The following APOC3 variants were observed in gnomAD, a reference collection of about 807,000 sequenced individuals.
APOC3 encodes apolipoprotein C3.
A neutral mutation model predicts 7.3 loss-of-function variants in APOC3; 6 were observed. The observed-to-expected ratio is 0.82, with a 90% CI of 0.45 to 1.61. The LOEUF (loss-of-function observed/expected upper bound fraction) is 1.61. Among genes scored for constraint, APOC3 ranks in the 40% most tolerant of loss-of-function variants. The probability of loss-of-function intolerance (pLI) is 0.01; values close to 1 mark genes in which losing one functional copy is unlikely to be tolerated. For synonymous variants in APOC3, 45 were observed against 51.2 expected (o/e 0.88, Z 0.52); for missense variants, 123 against 124.9 (o/e 0.98, Z 0.07).
intron 3 of APOC3, chr11:116,831,137 C>T (rs1203235549): frequency 1.9e-5 from 9 of 466,514 alleles, no homozygotes; most frequent in Admixed American, 1.1e-4. Flanking sequence ...TAGGGCGTGC[C>T]GTTTTAGCCC....
Position 116,830,630 on chromosome 11 carries a change from C to T in APOC3, c.48C>T (p.Ala16=), listed in dbSNP as rs774247573. The T allele has an allele frequency of 6.8e-6, 11 of 1,613,836 alleles. No homozygotes were observed. In the African/African-American group the frequency reaches 8.0e-5, roughly 12 times the overall value. The change falls in exon 2 of 4, where the codon GCC becomes GCT. Residue 16 remains alanine, a synonymous_variant. Transcript: ENST00000227667. The part of the protein sequence containing the change: ...LLVVALLALL[A]SARASEAEDA... ...TTGTTGCCCTCCTGGCGCTCCTGGC[C>T]TCTGCCCGTAAGCACTTGGTGGGAC...
intron 3 of APOC3, chr11:116,831,157 T>TTTTCC (rs1941443425): frequency 2.5e-6 from 1 of 398,292 alleles, no homozygotes; most frequent in Non-Finnish European, 4.4e-6. Context: ...CTCATTTCCA[T>TTTTCC]TTTCCTTTCC....
chr11:116,832,686 G>C (rs1296953539), intron 3 of APOC3, 78 bp from the exon 4 acceptor site: 3 of 1,601,480 alleles, frequency 1.9e-6, no homozygotes, highest in Non-Finnish European at 2.6e-6. Flanking sequence ...CGTCCAGTGG[G>C]GACATGGGTG....
chr11:116,832,073 C>A (rs1941469240), intron 3 of APOC3, among the ~76,000 whole-genome samples: 1 of 152,174 alleles, frequency 6.6e-6, no homozygotes, highest in Non-Finnish European at 1.5e-5. Flanking sequence ...AATTCAAGCC[C>A]GTGAGTGCTT....
At chr11:116,832,161 ACTCTC>A (rs569701964) in intron 3 of APOC3, among the ~76,000 whole-genome samples, 157 of 150,436 alleles carry the variant, frequency 1.0e-3, no homozygotes, top group African/African-American at 3.5e-3. Context: ...GCCCATCAGT[ACTCTC>A]CTCTCCCCTA....
At chr11:116,830,965 G>T in intron 3 of APOC3, 69 bp downstream of exon 3, 1 of 1,565,992 alleles carries the variant, frequency 6.4e-7, no homozygotes, top group Non-Finnish European at 8.7e-7. Flanking sequence ...CCCTGCCCTG[G>T]TGAGATCCCA....
intron 2 of APOC3, 47 bp from the exon 3 acceptor site, chr11:116,830,726 C>CTCG: frequency 6.2e-7 from 1 of 1,613,214 alleles, no homozygotes; most frequent in South Asian, 1.1e-5. Flanking sequence ...GAGCCCAGGG[C>CTCG]TCGTCCAGAG....
Position 116,830,821 on chromosome 11 carries a change from A to G in APOC3, c.104A>G (p.Tyr35Cys). ...DASLLSFMQGYMKHATKTAKD... is the reference protein window; with the variant it reads ...DASLLSFMQGCMKHATKTAKD... ...TCCCTTCTCAGCTTCATGCAGGGTT[A>G]CATGAAGCACGCCACCAAGACCGCC... The change falls in exon 3 of 4, where the codon TAC becomes TGC. Residue 35 changes from tyrosine (Y) to cysteine (C), a missense_variant. Tyr to Cys is a radical substitution (Grantham distance 194). Coordinates refer to ENST00000227667, the MANE Select transcript of APOC3 (RefSeq NM_000040.3). The G allele has an allele frequency of 6.2e-7, 1 of 1,613,174 alleles. No individual in the cohort carries two copies.
intron 1 of APOC3, among the ~76,000 whole-genome samples, chr11:116,830,219 T>C (rs1316203977): frequency 6.6e-6 from 1 of 152,014 alleles, no homozygotes; most frequent in East Asian, 1.9e-4. Flanking sequence ...GAGGAAGCCT[T>C]AGACAGCCCA....
Position 116,830,636 on chromosome 11 carries a change from C to T in APOC3, c.54C>T (p.Ala18=). The change falls in exon 2 of 4, where the codon GCC becomes GCT. Residue 18 remains alanine, a splice_region_variant and synonymous_variant. Coordinates refer to ENST00000227667, the MANE Select transcript of APOC3 (RefSeq NM_000040.3). ...VVALLALLAS[A]RASEAEDASL... is the part of the protein sequence containing the mutation. ...CCCTCCTGGCGCTCCTGGCCTCTGC[C>T]CGTAAGCACTTGGTGGGACTGGGCT... The T allele has an allele frequency of 1.9e-6, 3 of 1,613,922 alleles. No homozygotes were observed. Among genetic ancestry groups the T allele is most frequent in the East Asian group, 4.5e-5 (2 of 44,858 alleles).
In APOC3 at chr11:116,830,902, C is replaced by G; in HGVS notation, c.179+6C>G. 1 of 1,612,030 alleles carries G rather than the reference C, an allele frequency of 6.2e-7. No individual in the cohort carries two copies. The highest frequency in any genetic ancestry group is 8.5e-7 in the Non-Finnish European group (1 of 1,179,710). On this transcript the variant is annotated splice_donor_region_variant and intron_variant, in intron 3 of 3. Transcript: ENST00000227667. ...CAGGTGGCCCAGCAGGCCAGGTACA[C>G]CCGCTGGCCTCCCTCCCCATCCCCC...
chr11:116,831,842 C>T, intron 3 of APOC3, among the ~76,000 whole-genome samples: 1 of 152,176 alleles, frequency 6.6e-6, no homozygotes, highest in East Asian at 1.9e-4. Flanking sequence ...CACCTAGATC[C>T]CTGGCATGTG....
At chr11:116,831,804 A>G (rs952450566) in intron 3 of APOC3, among the ~76,000 whole-genome samples, 6 of 152,162 alleles carry the variant, frequency 3.9e-5, no homozygotes, top group Non-Finnish European at 8.8e-5. Flanking sequence ...TCAGATCATC[A>G]GGCATTAGAT....
At chr11:116,832,606 G>T (rs566143834) in intron 3 of APOC3, among the ~76,000 whole-genome samples, 158 bp from the exon 4 acceptor site, 1 of 152,202 alleles carries the variant, frequency 6.6e-6, no homozygotes, top group Non-Finnish European at 1.5e-5. Context: ...CAGCTGTGGG[G>T]GATTCCTGCC....
chr11:116,830,864 C>G lies in APOC3; in HGVS notation c.147C>G (p.Ser49Arg). ...ATKTAKDALS[S>R]VQESQVAQQA... ...AGACCGCCAAGGATGCACTGAGCAGCGTGCAGGAGTCCCAGGTGGCCCAGC... is the reference window on the plus strand; with the variant it reads ...AGACCGCCAAGGATGCACTGAGCAGGGTGCAGGAGTCCCAGGTGGCCCAGC... The change falls in exon 3 of 4, where the codon AGC becomes AGG. Residue 49 changes from serine to arginine, a missense_variant. Transcript: ENST00000227667. 1.2e-6 allele frequency: 2 copies of G among 1,613,122 alleles called. No homozygotes were observed. The highest frequency in any genetic ancestry group is 2.2e-5 in the South Asian group (2 of 91,078).
chr11:116,831,181 C>CCCTT (rs1398467548), intron 3 of APOC3: 467 of 293,404 alleles, frequency 1.6e-3, no homozygotes, highest in African/African-American at 0.011. Flanking sequence ...CCCTTTCTTT[C>CCCTT]TCTTTCTATT....
intron 1 of APOC3, among the ~76,000 whole-genome samples, chr11:116,830,332 G>A (rs978014748): frequency 5.9e-5 from 9 of 152,136 alleles, no homozygotes; most frequent in Admixed American, 3.9e-4. Flanking sequence ...CCAGACCGCA[G>A]GTGCCTTGAT....
At chr11:116,831,789 C>T (rs574655114) in intron 3 of APOC3, among the ~76,000 whole-genome samples, 1 of 152,306 alleles carries the variant, frequency 6.6e-6, no homozygotes, top group South Asian at 2.1e-4. Flanking sequence ...TGAAGCTGTT[C>T]CACCTCAGAT....
chr11:116,832,902 T>A lies in APOC3; in HGVS notation c.*18T>A. 2 of 1,613,338 alleles carry A rather than the reference T, an allele frequency of 1.2e-6. No individual in the cohort carries two copies. The highest frequency in any genetic ancestry group is 3.3e-4 in the Middle Eastern group (2 of 5,988). On this transcript the variant is annotated 3_prime_UTR_variant, in exon 4 of 4. Coordinates refer to ENST00000227667, the MANE Select transcript of APOC3 (RefSeq NM_000040.3). ...CTGCCTGAGACCTCAATACCCCAAG[T>A]CCACCTGCCTATCCATCCTGCGAGC...
Sources: gnomAD v4.1 joint callset for allele counts (sites outside exome capture counted in the v4.1 genomes callset) on GRCh38, gnomAD v4.1.1 for gene constraint, MANE v1.5 for transcripts, NCBI Gene and HGNC (gene_info 2026-07-23, HGNC 2026-07-21) for gene names.